The following SENP5 variants were observed in gnomAD, a reference collection of about 807,000 sequenced individuals.
SENP5 encodes the protein sentrin-specific protease 5.
Under a neutral mutation model 74.2 loss-of-function variants are expected in SENP5, and 21 were observed. That is an observed-to-expected ratio of 0.28 (90% CI 0.20 to 0.41). The LOEUF is 0.41. Ranked by LOEUF, SENP5 falls within the 10% of genes least tolerant of loss-of-function variation. The pLI is 1.00. For synonymous variants in SENP5, 311 were observed against 312.7 expected, an observed-to-expected ratio of 0.99 and a Z score of 0.06; for missense variants, 717 against 889.1, an observed-to-expected ratio of 0.81 and a Z score of 2.46.
At chr3:196,916,052 C>T (rs1466844527) in intron 6 of SENP5, among the ~76,000 whole-genome samples, 1 of 152,164 alleles carries the variant, frequency 6.6e-6, no homozygotes, top group Admixed American at 6.5e-5. Context: ...AGGCTGGGCA[C>T]CTTGGGTCAC....
At chr3:196,895,958 G>T (rs959350552) in intron 2 of SENP5, among the ~76,000 whole-genome samples, 8 of 152,134 alleles carry the variant, frequency 5.3e-5, no homozygotes, top group African/African-American at 7.2e-5. Context: ...TTTGTTTCTT[G>T]GGTCACTTTG....
At chr3:196,891,938 G>A (rs1714220954) in intron 2 of SENP5, among the ~76,000 whole-genome samples, 1 of 151,418 alleles carries the variant, frequency 6.6e-6, no homozygotes, top group Non-Finnish European at 1.5e-5. Flanking sequence ...CTATAGGCAT[G>A]TGCCACCACG....
intron 1 of SENP5, among the ~76,000 whole-genome samples, chr3:196,868,772 G>A (rs530810950): frequency 6.6e-6 from 1 of 152,274 alleles, no homozygotes; most frequent in Admixed American, 6.5e-5. Flanking sequence ...AAATTATAAT[G>A]TTTGGAGAAT....
chr3:196,888,068 T>C (rs6787241), intron 2 of SENP5, among the ~76,000 whole-genome samples: 99,637 of 151,680 alleles, frequency 0.66, 33,742 homozygotes, highest in Non-Finnish European at 0.74. Flanking sequence ...CCACTGCGCC[T>C]GGCCTAAAGC....
At chr3:196,929,534 A>T (rs1202826838) in intron 8 of SENP5, 99 bp from the exon 9 acceptor site, 4 of 683,634 alleles carry the variant, frequency 5.9e-6, no homozygotes, top group African/African-American at 1.8e-5. Flanking sequence ...GAGAGAGAAA[A>T]GTTTCCTATC....
At chr3:196,874,803 C>T (rs551663962) in intron 1 of SENP5, among the ~76,000 whole-genome samples, 2 of 152,110 alleles carry the variant, frequency 1.3e-5, no homozygotes, top group East Asian at 1.9e-4. Context: ...TGCTTGAACC[C>T]GGGAGGCGGA....
At chr3:196,881,896 G>GTTTTTTT (rs11385462) in intron 1 of SENP5, among the ~76,000 whole-genome samples, 4 of 109,204 alleles carry the variant, frequency 3.7e-5, no homozygotes, top group African/African-American at 1.1e-4. Context: ...GATAGTATTA[G>GTTTTTTT]TTTTTTTTTT....
intron 2 of SENP5, among the ~76,000 whole-genome samples, chr3:196,896,581 A>G (rs1221993146): frequency 6.6e-6 from 1 of 152,178 alleles, no homozygotes; most frequent in Non-Finnish European, 1.5e-5. Flanking sequence ...CAGTCTCCCA[A>G]GTAGCTGAGA....
intron 9 of SENP5, among the ~76,000 whole-genome samples, chr3:196,929,991 A>T (rs4916585): frequency 0.3 from 34,269 of 114,044 alleles, 3,901 homozygotes; most frequent in African/African-American, 0.47. Flanking sequence ...TTTGCATAAA[A>T]AAAAAAAAAA....
At chr3:196,899,552 T>C (rs933275281) in intron 2 of SENP5, 114 bp from the exon 3 acceptor site, 5 of 618,408 alleles carry the variant, frequency 8.1e-6, no homozygotes, top group East Asian at 5.4e-5. Context: ...TATAGTAATA[T>C]AGGTTAACCA....
chr3:196,923,638 AC>A (rs1232812388), intron 7 of SENP5, 87 bp downstream of exon 7: 8 of 861,782 alleles, frequency 9.3e-6, no homozygotes, highest in African/African-American at 1.7e-5. Flanking sequence ...AGCAGTCAAA[AC>A]CATATAGGAA....
intron 9 of SENP5, among the ~76,000 whole-genome samples, chr3:196,929,993 A>T (rs1424902811): frequency 3.3e-5 from 5 of 152,002 alleles, no homozygotes; most frequent in Admixed American, 2.0e-4. Context: ...TGCATAAAAA[A>T]AAAAAAAAAA....
intron 6 of SENP5, among the ~76,000 whole-genome samples, chr3:196,918,759 A>G (rs1001488888): frequency 6.6e-6 from 1 of 152,154 alleles, no homozygotes. Context: ...TATGCTGCCT[A>G]CAAGAAACTC....
chr3:196,883,343 C>A (rs1713810085), intron 1 of SENP5, among the ~76,000 whole-genome samples: 1 of 152,078 alleles, frequency 6.6e-6, no homozygotes, highest in African/African-American at 2.4e-5. Flanking sequence ...GATCTGTTTT[C>A]CCCCAGGGAC....
chr3:196,929,380 G>T (rs917171795), intron 8 of SENP5: 2 of 382,004 alleles, frequency 5.2e-6, no homozygotes, highest in Non-Finnish European at 9.3e-6. Flanking sequence ...TTTAAAACAG[G>T]TTTTTACATT....
rs73205894 is a variant in SENP5, at chr3:196,927,347, G to A, written c.2023-449G>A. Among the ~76,000 whole-genome samples the A allele has an allele frequency of 7.0e-3, 1,066 of 152,300 alleles. 4 individuals are homozygous for A. The highest frequency in any genetic ancestry group is 0.012 in the Non-Finnish European group (822 of 68,028). ...ATGCAGCAAGCTGACTTACTGCTGGGAAGGGCTGGCTAACCATCTCATAAA... is the reference window on the plus strand; with the variant it reads ...ATGCAGCAAGCTGACTTACTGCTGGAAAGGGCTGGCTAACCATCTCATAAA... On this transcript the variant is annotated intron_variant, in intron 7 of 9. Coordinates refer to ENST00000323460, the MANE Select transcript of SENP5 (RefSeq NM_152699.5).
chr3:196,918,578 A>G (rs528496973), intron 6 of SENP5, among the ~76,000 whole-genome samples: 1 of 152,252 alleles, frequency 6.6e-6, no homozygotes, highest in East Asian at 1.9e-4. Flanking sequence ...AATCATTTCA[A>G]CGCAAAGAAG....
chr3:196,873,870 AT>A (rs1713334247), intron 1 of SENP5, among the ~76,000 whole-genome samples: 1 of 151,996 alleles, frequency 6.6e-6, no homozygotes, highest in African/African-American at 2.4e-5. Flanking sequence ...ACATAATTTA[AT>A]TTTAATTAGT....
chr3:196,869,960 C>T (rs1224846075), intron 1 of SENP5, among the ~76,000 whole-genome samples: 1 of 151,604 alleles, frequency 6.6e-6, no homozygotes. Flanking sequence ...GCTCTATACA[C>T]AGGCCTGCCT....
Sources: gnomAD v4.1 joint callset for allele counts (sites outside exome capture counted in the v4.1 genomes callset) on GRCh38, gnomAD v4.1.1 for gene constraint, MANE v1.5 for transcripts, NCBI Gene and HGNC (gene_info 2026-07-23, HGNC 2026-07-21) for gene names.